The following TRMT11 variants were observed in gnomAD, a reference collection of about 807,000 sequenced individuals.
TRMT11 encodes tRNA (guanine(10)-N(2))-methyltransferase TRMT11.
In TRMT11, 53 loss-of-function variants were observed where a neutral mutation model predicts 62.8. That is an observed-to-expected ratio of 0.84 (90% CI 0.68 to 1.06). The LOEUF is 1.06. TRMT11 is among the 50% of genes least tolerant of loss of function. The pLI is 0.00. For synonymous variants in TRMT11, 188 were observed against 190.3 expected, an observed-to-expected ratio of 0.99 and a Z score of 0.10; for missense variants, 556 against 553.4, an observed-to-expected ratio of 1.00 and a Z score of -0.05.
the TRMT11 span, among the ~76,000 whole-genome samples, chr6:126,228,968 T>C: frequency 1.3e-5 from 2 of 152,126 alleles, no homozygotes; most frequent in African/African-American, 4.8e-5. Flanking sequence ...ATGGCTATTA[T>C]AGTAAAAAAA....
At chr6:126,225,593 A>G in the TRMT11 span, among the ~76,000 whole-genome samples, 3 of 150,774 alleles carry the variant, frequency 2.0e-5, no homozygotes, top group African/African-American at 7.4e-5. Flanking sequence ...GTCAAATGTT[A>G]TCCTCAAACA....
At chr6:125,995,838 T>C in intron 2 of TRMT11, 129 bp from the exon 3 acceptor site, 1 of 649,334 alleles carries the variant, frequency 1.5e-6, no homozygotes, top group Non-Finnish European at 2.7e-6. Context: ...TTTATTTTGG[T>C]TACAGTCAGA....
chr6:126,242,563 ATGGTAC>A, the TRMT11 span, among the ~76,000 whole-genome samples: 1 of 152,336 alleles, frequency 6.6e-6, no homozygotes, highest in Admixed American at 6.5e-5. Context: ...CCAAAACAGC[ATGGTAC>A]TGGTACCAAA....
At chr6:126,218,128 T>C in the TRMT11 span, among the ~76,000 whole-genome samples, 4 of 152,188 alleles carry the variant, frequency 2.6e-5, no homozygotes, top group Admixed American at 6.5e-5. Context: ...TGGACTCCTG[T>C]GTGGCTCAGG....
At chr6:126,098,584 C>G (rs922012898) in intron 17 of TRMT11, among the ~76,000 whole-genome samples, 15 of 152,208 alleles carry the variant, frequency 9.9e-5, no homozygotes, top group African/African-American at 3.6e-4. Flanking sequence ...AATTCTCTGT[C>G]TTTCACCTCC....
chr6:126,052,794 G>C (rs557001561), intron 16 of TRMT11, among the ~76,000 whole-genome samples: 27 of 152,320 alleles, frequency 1.8e-4, no homozygotes, highest in Non-Finnish European at 1.2e-4. Flanking sequence ...GCATTTGTTA[G>C]CTTGTTTTCT....
At chr6:126,088,150 T>C (rs1216615290) in intron 17 of TRMT11, among the ~76,000 whole-genome samples, 1 of 151,970 alleles carries the variant, frequency 6.6e-6, no homozygotes, top group Non-Finnish European at 1.5e-5. Context: ...ATATATAGTA[T>C]ATATACTCTC....
In TRMT11 at chr6:126,012,781, T is replaced by C. The variant is rs1794407591; in HGVS notation, c.936T>C (p.Gly312=). 1.2e-6 allele frequency: 2 copies of C among 1,613,128 alleles called. No homozygotes were observed. The highest frequency in any genetic ancestry group is 1.3e-5 in the African/African-American group (1 of 74,920). Reference sequence around the variant, plus strand: ...TTGTTTTCTGTCTAGCTCCATATGGTATCAGAGAATCTACAAGAAGAACAG... The same window carrying C: ...TTGTTTTCTGTCTAGCTCCATATGGCATCAGAGAATCTACAAGAAGAACAG... ...FDAIITDPPY[G]IRESTRRTGS... is the part of the protein sequence containing the mutation. The change falls in exon 10 of 13, where the codon GGT becomes GGC. Residue 312 remains glycine (G), a synonymous_variant. Transcript: ENST00000334379.
At chr6:126,134,052 A>G (rs971798894) in intron 21 of TRMT11, among the ~76,000 whole-genome samples, 5 of 151,950 alleles carry the variant, frequency 3.3e-5, no homozygotes, top group Non-Finnish European at 7.4e-5. Flanking sequence ...AGAGCAAAAA[A>G]TTAATAAGAT....
chr6:126,268,901 C>A, the TRMT11 span, among the ~76,000 whole-genome samples: 11 of 151,946 alleles, frequency 7.2e-5, no homozygotes, highest in African/African-American at 2.7e-4. Flanking sequence ...ACGGTAAGTA[C>A]AACATAATAA....
chr6:126,003,345 G>T (rs1261929127), intron 7 of TRMT11, among the ~76,000 whole-genome samples: 2 of 151,950 alleles, frequency 1.3e-5, no homozygotes, highest in Non-Finnish European at 2.9e-5. Flanking sequence ...ATTCTTCTTC[G>T]AATGTGGCCC....
chr6:126,163,755 A>G (rs1437504686), intron 21 of TRMT11, among the ~76,000 whole-genome samples: 1 of 149,690 alleles, frequency 6.7e-6, no homozygotes, highest in African/African-American at 2.4e-5. Context: ...ATTCACTTCT[A>G]TGCATAGAGG....
At chr6:126,139,783 T>C (rs931926887) in intron 21 of TRMT11, among the ~76,000 whole-genome samples, 2 of 152,198 alleles carry the variant, frequency 1.3e-5, no homozygotes, top group African/African-American at 2.4e-5. Flanking sequence ...TCTATTTGGC[T>C]ACCTTGCTAA....
downstream of TRMT11, among the ~76,000 whole-genome samples, chr6:126,203,037 G>T (rs1778754361): frequency 6.6e-6 from 1 of 152,180 alleles, no homozygotes; most frequent in South Asian, 2.1e-4. Context: ...GAATTTCTGA[G>T]AAATAAAGCA....
intron 17 of TRMT11, among the ~76,000 whole-genome samples, chr6:126,078,633 A>C (rs567674214): frequency 1.3e-5 from 2 of 152,270 alleles, no homozygotes; most frequent in East Asian, 1.9e-4. Context: ...CTTTGAGGAC[A>C]CACTTGGCCA....
chr6:126,186,086 T>C (rs1481281840), intron 1 of TRMT11, among the ~76,000 whole-genome samples: 1 of 152,150 alleles, frequency 6.6e-6, no homozygotes, highest in Non-Finnish European at 1.5e-5. Flanking sequence ...CTGAAGAAAA[T>C]GCTTTATTTC....
intron 1 of TRMT11, among the ~76,000 whole-genome samples, chr6:126,179,300 C>T (rs1778428199): frequency 6.6e-6 from 1 of 152,160 alleles, no homozygotes; most frequent in South Asian, 2.1e-4. Context: ...GCTGTGGTCC[C>T]TGCTTCCATT....
chr6:126,148,026 C>T (rs1777994046), intron 21 of TRMT11, among the ~76,000 whole-genome samples: 1 of 152,028 alleles, frequency 6.6e-6, no homozygotes, highest in South Asian at 2.1e-4. Context: ...TGCACATGTA[C>T]CCCAGAACTT....
chr6:126,169,692 A>C (rs1778309282), intron 21 of TRMT11, among the ~76,000 whole-genome samples: 1 of 152,310 alleles, frequency 6.6e-6, no homozygotes, highest in Middle Eastern at 3.4e-3. Flanking sequence ...TTTTGGACTT[A>C]AACCTGTTTT....
Sources: allele counts gnomAD v4.1 joint callset (sites outside exome capture counted in the v4.1 genomes callset), GRCh38; gene constraint gnomAD v4.1.1; transcripts MANE v1.5; gene names NCBI Gene and HGNC (gene_info 2026-07-23, HGNC 2026-07-21).